Variants in SETD3 observed in about 807,000 individuals in gnomAD.
The protein encoded by SETD3 is SET domain containing 3, actin N3(tau)-histidine methyltransferase.
Under a neutral mutation model 63.0 loss-of-function variants are expected in SETD3, and 19 were observed. The ratio of observed to expected loss-of-function variants is 0.30; its 90% CI spans 0.21 to 0.44. SETD3 has a LOEUF of 0.44. Ranked by LOEUF, SETD3 falls within the 20% of genes least tolerant of loss-of-function variation. The pLI, the probability that SETD3 is intolerant of heterozygous loss-of-function variation, is 1.00. For synonymous variants in SETD3, 286 were observed against 264.1 expected, an observed-to-expected ratio of 1.08 and a Z score of -0.80; for missense variants, 587 against 728.5, an observed-to-expected ratio of 0.81 and a Z score of 2.24.
At position 99,413,022 on chromosome 14, in the gene SETD3, T is replaced by G. The variant is rs1456954708; in HGVS notation, c.778A>C (p.Thr260Pro). 6.2e-7 allele frequency: 1 copy of G among 1,614,022 alleles called. No homozygotes were observed. Among genetic ancestry groups the G allele is most frequent in the Admixed American group, 1.7e-5 (1 of 60,020 alleles). The change falls in exon 8 of 13, where the codon ACA becomes CCA. Residue 260 changes from threonine (T) to proline (P), a missense_variant. Coordinates refer to ENST00000331768, the MANE Select transcript of SETD3 (RefSeq NM_032233.3). ...AGGGTCACGCGGGAACCATCCTCTG[T>G]GGGAATTTGGTTTTGCCTCGTCATA... The part of the protein sequence containing the change: ...SVMTRQNQIP[T>P]EDGSRVTLAL...
chr14:99,409,540 G>A (rs1891863801), intron 8 of SETD3, among the ~76,000 whole-genome samples: 1 of 152,114 alleles, frequency 6.6e-6, no homozygotes, highest in Non-Finnish European at 1.5e-5. Context: ...GTAACTCAAT[G>A]GCACACTTGG....
At chr14:99,456,955 C>G (rs1308048587) in intron 6 of SETD3, among the ~76,000 whole-genome samples, 1 of 152,196 alleles carries the variant, frequency 6.6e-6, no homozygotes, top group Non-Finnish European at 1.5e-5. Flanking sequence ...AAACTAGAAG[C>G]ACATTAGTAA....
At position 99,463,501 on chromosome 14, in the gene SETD3, G is replaced by A. The variant is rs748168837; in HGVS notation, c.181C>T (p.Arg61Trp). The A allele has an allele frequency of 5.0e-6, 8 of 1,612,834 alleles. No individual in the cohort carries two copies. Among genetic ancestry groups the A allele is most frequent in the South Asian group, 2.2e-5 (2 of 90,956 alleles). Residue 61 changes from arginine to tryptophan, a missense_variant, in exon 3 of 13, where the codon CGG (arginine) becomes TGG (tryptophan). Arg to Trp is a moderately radical substitution (Grantham distance 101). Coordinates refer to ENST00000331768, the MANE Select transcript of SETD3 (RefSeq NM_032233.3). The stretch of plus-strand genomic sequence containing the variant: ...GCAATTTTACCTTTTTGCTTTTTCC[G>A]TATTTTCTCAACCAGAGTCCGGATC... ...VQIRTLVEKI[R>W]KKQKGLSVTF...
In SETD3 at chr14:99,398,793, G is replaced by A. The variant is rs773961018; in HGVS notation, c.1671C>T (p.Asn557=). The A allele has an allele frequency of 6.2e-7, 1 of 1,614,214 alleles. No homozygotes were observed. Among genetic ancestry groups the A allele is most frequent in the East Asian group, 2.2e-5 (1 of 44,874 alleles). Residue 557 remains asparagine (N), a synonymous_variant, in exon 13 of 13, where the codon AAC becomes AAT. Transcript: ENST00000331768. ...CGGACCTGGTCCCATTAGGGATAGA[G>A]TTTTCACCGTTTACAAGCCCGTTTT... is the stretch of plus-strand genomic sequence containing the variant. ...ATENGLVNGE[N]SIPNGTRSEN...
At chr14:99,444,847 A>C (rs1894041387) in intron 6 of SETD3, among the ~76,000 whole-genome samples, 1 of 152,086 alleles carries the variant, frequency 6.6e-6, no homozygotes, top group Admixed American at 6.6e-5. Flanking sequence ...AAAAAAAAAA[A>C]CAACTTGATA....
intron 11 of SETD3, among the ~76,000 whole-genome samples, chr14:99,403,838 T>C (rs1456738933): frequency 2.0e-5 from 3 of 152,222 alleles, no homozygotes; most frequent in Non-Finnish European, 4.4e-5. Context: ...CACAGCTGAC[T>C]ACACAACATC....
intron 1 of SETD3, among the ~76,000 whole-genome samples, chr14:99,471,430 C>A (rs1895699628): frequency 6.6e-6 from 1 of 152,142 alleles, no homozygotes; most frequent in African/African-American, 2.4e-5. Flanking sequence ...ATTGGCCATA[C>A]CATGAAGGAC....
intron 1 of SETD3, among the ~76,000 whole-genome samples, chr14:99,472,936 G>A (rs1895783404): frequency 1.3e-5 from 2 of 152,146 alleles, no homozygotes; most frequent in South Asian, 2.1e-4. Context: ...TCAGAGGAAG[G>A]GGTATCTATA....
At chr14:99,410,242 G>C in intron 8 of SETD3, 1 of 1,613,546 alleles carries the variant, frequency 6.2e-7, no homozygotes, top group Non-Finnish European at 8.5e-7. Context: ...AACCAGAGGT[G>C]AGTCAGACCT....
upstream of SETD3, chr14:99,481,062 C>A (rs1224266776): frequency 5.4e-6 from 1 of 186,158 alleles, no homozygotes; most frequent in African/African-American, 2.3e-5. Flanking sequence ...GCTCAGCCGC[C>A]GCCAACCACG....
intron 7 of SETD3, among the ~76,000 whole-genome samples, chr14:99,413,438 G>A (rs1892116368): frequency 6.6e-6 from 1 of 152,118 alleles, no homozygotes; most frequent in African/African-American, 2.4e-5. Flanking sequence ...TCATTGAAAA[G>A]CAAACCATAA....
intron 1 of SETD3, among the ~76,000 whole-genome samples, chr14:99,467,376 G>A (rs1475792012): frequency 6.6e-6 from 1 of 152,208 alleles, no homozygotes; most frequent in South Asian, 2.1e-4. Context: ...CTATGCTTAA[G>A]AAATGTCTTC....
At chr14:99,456,493 GTTC>G (rs1466953022) in intron 6 of SETD3, among the ~76,000 whole-genome samples, 4 of 152,242 alleles carry the variant, frequency 2.6e-5, no homozygotes, top group East Asian at 3.9e-4. Flanking sequence ...TATACAAATT[GTTC>G]TTATTAGTCA....
chr14:99,405,653 CAGGTG>C (rs1891642583), intron 9 of SETD3, among the ~76,000 whole-genome samples: 2 of 152,104 alleles, frequency 1.3e-5, no homozygotes, highest in Non-Finnish European at 2.9e-5. Flanking sequence ...CAAAGGACCC[CAGGTG>C]ACCTGGGGTC....
At chr14:99,413,123 GAAAT>G in intron 7 of SETD3, 58 bp from the exon 8 acceptor site, 1 of 990,788 alleles carries the variant, frequency 1.0e-6, no homozygotes, top group Non-Finnish European at 1.6e-6. Context: ...ATTGCAGTAA[GAAAT>G]AACATAACCA....
chr14:99,424,952 A>AC (rs1234237215), intron 6 of SETD3, among the ~76,000 whole-genome samples: 1 of 152,074 alleles, frequency 6.6e-6, no homozygotes, highest in East Asian at 1.9e-4. Flanking sequence ...TGGAAACTTC[A>AC]CAACACTCAG....
upstream of SETD3, among the ~76,000 whole-genome samples, chr14:99,484,454 A>G (rs957713192): frequency 1.3e-5 from 2 of 152,268 alleles, no homozygotes; most frequent in Non-Finnish European, 2.9e-5. Flanking sequence ...ATGATGAGAA[A>G]AATGGTTAGA....
At chr14:99,448,940 A>C (rs1007909310) in intron 6 of SETD3, among the ~76,000 whole-genome samples, 1 of 152,238 alleles carries the variant, frequency 6.6e-6, no homozygotes, top group Non-Finnish European at 1.5e-5. Flanking sequence ...CACTCCATGC[A>C]AAAACTGCAC....
intron 6 of SETD3, among the ~76,000 whole-genome samples, chr14:99,441,523 C>T (rs1368394303): frequency 6.6e-6 from 1 of 152,252 alleles, no homozygotes; most frequent in African/African-American, 2.4e-5. Context: ...GGCAGCGACA[C>T]ATCTGCAAGA....
Sources: gnomAD v4.1 joint callset for allele counts (sites outside exome capture counted in the v4.1 genomes callset) on GRCh38, gnomAD v4.1.1 for gene constraint, MANE v1.5 for transcripts, NCBI Gene and HGNC (gene_info 2026-07-23, HGNC 2026-07-21) for gene names.